The following HIPK2 variants were observed in gnomAD, a reference collection of about 807,000 sequenced individuals.
The protein encoded by HIPK2 is homeodomain interacting protein kinase 2.
A neutral mutation model predicts 113.7 loss-of-function variants in HIPK2; 27 were observed. The ratio of observed to expected loss-of-function variants is 0.24; its 90% CI spans 0.17 to 0.33. HIPK2 has a LOEUF of 0.33. HIPK2 is among the 10% of genes least tolerant of loss of function. The pLI is 1.00. For missense variants in HIPK2, 1,257 were observed against 1,588.0 expected (o/e 0.79, Z 3.54); for synonymous variants, 631 against 642.2 (o/e 0.98, Z 0.26).
intron 2 of HIPK2, among the ~76,000 whole-genome samples, chr7:139,674,066 A>C (rs1802407549): frequency 6.7e-6 from 1 of 150,086 alleles, no homozygotes; most frequent in Non-Finnish European, 1.5e-5. Context: ...ACTGTCTCAA[A>C]AAAAAAAAAA....
At chr7:139,765,840 G>C (rs1292949294) in intron 1 of HIPK2, among the ~76,000 whole-genome samples, 1 of 152,084 alleles carries the variant, frequency 6.6e-6, no homozygotes, top group Admixed American at 6.5e-5. Flanking sequence ...GTCAAATTTT[G>C]TCCCAGATTT....
At chr7:139,650,707 T>C (rs183809219) in intron 2 of HIPK2, among the ~76,000 whole-genome samples, 2 of 152,372 alleles carry the variant, frequency 1.3e-5, no homozygotes, top group East Asian at 3.9e-4. Flanking sequence ...AAAAGGCATG[T>C]GGCTTCTGCT....
chr7:139,673,735 C>T (rs979261477), intron 2 of HIPK2, among the ~76,000 whole-genome samples: 1 of 151,842 alleles, frequency 6.6e-6, no homozygotes, highest in Non-Finnish European at 1.5e-5. Flanking sequence ...AAGCCCATTC[C>T]TAAGGAATGT....
intron 2 of HIPK2, among the ~76,000 whole-genome samples, chr7:139,634,833 A>G (rs1004627189): frequency 1.3e-5 from 2 of 151,718 alleles, no homozygotes; most frequent in Admixed American, 6.6e-5. Context: ...ACCTACCACC[A>G]GGTCTGGCTA....
intron 9 of HIPK2, 49 bp from the exon 10 acceptor site, chr7:139,604,272 T>C: frequency 6.4e-7 from 1 of 1,562,036 alleles, no homozygotes; most frequent in Non-Finnish European, 8.7e-7. Context: ...AATCACATAA[T>C]TGATTTGCAT....
intron 1 of HIPK2, among the ~76,000 whole-genome samples, chr7:139,718,534 C>A (rs568348658): frequency 6.6e-6 from 1 of 152,308 alleles, no homozygotes; most frequent in East Asian, 1.9e-4. Context: ...ATCCTTCATT[C>A]CTTCTCTCCA....
At chr7:139,576,692 G>A (rs1431411258) in intron 13 of HIPK2, among the ~76,000 whole-genome samples, 1 of 152,246 alleles carries the variant, frequency 6.6e-6, no homozygotes. Flanking sequence ...CACAGATCAC[G>A]CAGATGAGGT....
rs767889986 is a variant in HIPK2 at position 139,572,941 on chromosome 7, A to T, written c.3583T>A (p.Tyr1195Asn). Residue 1195 changes from tyrosine to asparagine, a missense_variant, in exon 15 of 15, where the codon TAC becomes AAC. Physicochemically the swap from Tyr to Asn is moderately radical, Grantham distance 143. Transcript: ENST00000406875. ...YPLSPAKVNQYPYI is the reference protein window; with the variant it reads ...YPLSPAKVNQNPYI ...CCCTCCAGTGTTTATATGTAAGGGTACTGGTTGACCTTGGCGGGGCTCAGT... is the reference window on the plus strand; with the variant it reads ...CCCTCCAGTGTTTATATGTAAGGGTTCTGGTTGACCTTGGCGGGGCTCAGT... 1 of 926,726 alleles carries T rather than the reference A, an allele frequency of 1.1e-6. No homozygotes were observed. Among genetic ancestry groups the T allele is most frequent in the Admixed American group, 2.4e-5 (1 of 42,118 alleles). 57.4% of individuals were successfully genotyped at this position (926,726 alleles called of 1,614,324 possible).
At chr7:139,694,298 C>A (rs998857381) in intron 2 of HIPK2, among the ~76,000 whole-genome samples, 1 of 152,194 alleles carries the variant, frequency 6.6e-6, no homozygotes, top group Admixed American at 6.5e-5. Context: ...ACACGCTCCA[C>A]AAGACACCAG....
chr7:139,655,289 C>T (rs1801624192), intron 2 of HIPK2, among the ~76,000 whole-genome samples: 1 of 152,220 alleles, frequency 6.6e-6, no homozygotes, highest in Admixed American at 6.5e-5. Flanking sequence ...AAATTCAGAG[C>T]AAGCGAAGCT....
chr7:139,706,036 G>A (rs149253746), intron 2 of HIPK2, among the ~76,000 whole-genome samples: 28 of 152,292 alleles, frequency 1.8e-4, no homozygotes, highest in Non-Finnish European at 2.8e-4. Flanking sequence ...ACGAGGCCCC[G>A]GGGATGATGC....
At chr7:139,681,909 C>G (rs769092957) in intron 2 of HIPK2, among the ~76,000 whole-genome samples, 17 of 152,200 alleles carry the variant, frequency 1.1e-4, no homozygotes, top group Admixed American at 6.5e-5. Context: ...TCCCCTGGTG[C>G]TGGAGGTGCT....
At chr7:139,654,336 A>G (rs1026223394) in intron 2 of HIPK2, among the ~76,000 whole-genome samples, 2 of 151,410 alleles carry the variant, frequency 1.3e-5, no homozygotes, top group Admixed American at 6.6e-5. Context: ...ACACAGCGAG[A>G]CTTTGTCTAC....
Position 139,602,149 on chromosome 7 carries a change from C to T in HIPK2, c.2256-1553G>A, listed in dbSNP as rs966566422. Among the ~76,000 whole-genome samples, 9 of 152,060 alleles carry T rather than the reference C, an allele frequency of 5.9e-5. 1 individual carries two copies. In the South Asian group the frequency reaches 1.9e-3, roughly 32 times the overall value. ...TGTATTTTTAGTAGAGGCGGGGTTT[C>T]GCCATGCTGACCAGGCTGGTCTCAA... On this transcript the variant is annotated intron_variant, in intron 10 of 14. Coordinates refer to ENST00000406875, the MANE Select transcript of HIPK2 (RefSeq NM_022740.5).
intron 12 of HIPK2, among the ~76,000 whole-genome samples, chr7:139,595,227 C>T (rs987718990): frequency 3.3e-5 from 5 of 152,218 alleles, no homozygotes; most frequent in African/African-American, 4.8e-5. Context: ...CTTCTGATGA[C>T]CAAGGCTACC....
chr7:139,595,861 C>T (rs527880026), intron 12 of HIPK2, among the ~76,000 whole-genome samples: 192 of 152,312 alleles, frequency 1.3e-3, no homozygotes, highest in Non-Finnish European at 2.5e-3. Context: ...GTGAATTAGG[C>T]TTCATATCCA....
chr7:139,580,858 G>A (rs1190414775), intron 13 of HIPK2, among the ~76,000 whole-genome samples: 3 of 152,178 alleles, frequency 2.0e-5, no homozygotes, highest in Admixed American at 1.3e-4. Context: ...TGGCATTTAC[G>A]TACTTAGTGT....
intron 2 of HIPK2, among the ~76,000 whole-genome samples, chr7:139,648,560 T>TGA (rs1801327953): frequency 6.6e-6 from 1 of 152,176 alleles, no homozygotes; most frequent in Admixed American, 6.5e-5. Flanking sequence ...CGGGATAGCA[T>TGA]CAATAGCTTA....
chr7:139,667,220 G>A (rs1041175172), intron 2 of HIPK2, among the ~76,000 whole-genome samples: 2 of 151,942 alleles, frequency 1.3e-5, no homozygotes, highest in Admixed American at 1.3e-4. Flanking sequence ...CATAGTTTTG[G>A]TCTTTCTACT....
Sources: gnomAD v4.1 joint callset for allele counts (sites outside exome capture counted in the v4.1 genomes callset) on GRCh38, gnomAD v4.1.1 for gene constraint, MANE v1.5 for transcripts, NCBI Gene and HGNC (gene_info 2026-07-23, HGNC 2026-07-21) for gene names.